The following SEMA5A variants were observed in gnomAD, a reference collection of about 807,000 sequenced individuals.
SEMA5A encodes semaphorin 5A.
A neutral mutation model predicts 135.5 loss-of-function variants in SEMA5A; 55 were observed. That is an observed-to-expected ratio of 0.41 (90% confidence interval 0.33 to 0.51). The LOEUF is 0.51. Ranked by LOEUF, SEMA5A falls within the 20% of genes least tolerant of loss-of-function variation. The pLI is 0.37. For missense variants in SEMA5A, 1,290 were observed against 1,419.9 expected (o/e 0.91, Z 1.47); for synonymous variants, 580 against 546.5 (o/e 1.06, Z -0.85).
At chr5:9,426,153 T>C (rs1757638086) in intron 2 of SEMA5A, among the ~76,000 whole-genome samples, 1 of 152,110 alleles carries the variant, frequency 6.6e-6, no homozygotes, top group Admixed American at 6.6e-5. Context: ...AAATTTGTAT[T>C]GTGGCCGGGC....
In SEMA5A at chr5:9,312,222, G is replaced by A. The variant is rs544428352; in HGVS notation, c.270+6150C>T. The stretch of plus-strand genomic sequence containing the variant: ...TTAAGGCAAGAAGAAAACTTATACT[G>A]AAGATTTGAATCTGTTATTATGACA... On this transcript the variant is annotated intron_variant, in intron 5 of 22. Transcript: ENST00000382496. 2.0e-5 allele frequency among the ~76,000 whole-genome samples: 3 copies of A among 151,822 alleles called. No homozygotes were observed. In the South Asian group the frequency reaches 6.2e-4, roughly 32 times the overall value.
At chr5:9,264,837 A>AAACG (rs3842075) in intron 5 of SEMA5A, among the ~76,000 whole-genome samples, 1 of 151,934 alleles carries the variant, frequency 6.6e-6, no homozygotes, top group East Asian at 1.9e-4. Flanking sequence ...TAACAACAAC[A>AAACG]TTCATCACTC....
At chr5:9,538,326 G>A (rs1737892280) in intron 1 of SEMA5A, among the ~76,000 whole-genome samples, 1 of 152,116 alleles carries the variant, frequency 6.6e-6, no homozygotes, top group Admixed American at 6.5e-5. Context: ...TCAGGCTCTG[G>A]GCATTTAAAA....
chr5:9,269,390 T>C (rs1238463939), intron 5 of SEMA5A, among the ~76,000 whole-genome samples: 1 of 152,120 alleles, frequency 6.6e-6, no homozygotes, highest in Non-Finnish European at 1.5e-5. Flanking sequence ...AGAAAGACAA[T>C]GGAGATGGCT....
chr5:9,213,332 A>C (rs1027201534), intron 8 of SEMA5A, among the ~76,000 whole-genome samples: 2 of 152,232 alleles, frequency 1.3e-5, no homozygotes, highest in South Asian at 2.1e-4. Context: ...CAGGAGTGAG[A>C]AAAAGACGTT....
intron 5 of SEMA5A, among the ~76,000 whole-genome samples, chr5:9,306,730 C>A (rs531784668): frequency 6.6e-6 from 1 of 152,164 alleles, no homozygotes; most frequent in Admixed American, 6.6e-5. Flanking sequence ...GTGCCCTGTT[C>A]TATAAGGAGA....
chr5:9,180,341 T>G (rs1744434898), intron 11 of SEMA5A, among the ~76,000 whole-genome samples: 1 of 152,314 alleles, frequency 6.6e-6, no homozygotes, highest in East Asian at 1.9e-4. Flanking sequence ...ATTCCCTCAG[T>G]AAATGAAAAA....
At chr5:9,155,552 G>A (rs1175948054) in intron 11 of SEMA5A, among the ~76,000 whole-genome samples, 1 of 151,964 alleles carries the variant, frequency 6.6e-6, no homozygotes, top group African/African-American at 2.4e-5. Context: ...CCAGCCTTCT[G>A]GAAGCCGCTT....
intron 3 of SEMA5A, among the ~76,000 whole-genome samples, chr5:9,359,794 T>C (rs1754611964): frequency 6.6e-6 from 1 of 152,100 alleles, no homozygotes; most frequent in Non-Finnish European, 1.5e-5. Context: ...AACAAAAAAC[T>C]ATGAAAAAAA....
intron 2 of SEMA5A, among the ~76,000 whole-genome samples, chr5:9,435,776 C>T (rs1167341846): frequency 1.3e-5 from 2 of 152,224 alleles, no homozygotes; most frequent in South Asian, 2.1e-4. Flanking sequence ...TTTCATACTA[C>T]AACGGCAGAG....
chr5:9,217,546 A>T, intron 8 of SEMA5A, among the ~76,000 whole-genome samples: 1 of 152,194 alleles, frequency 6.6e-6, no homozygotes, highest in East Asian at 1.9e-4. Flanking sequence ...TCTCTAGCAA[A>T]GTTGGGGAAG....
chr5:9,277,809 G>A (rs1449247305), intron 5 of SEMA5A, among the ~76,000 whole-genome samples: 5 of 151,808 alleles, frequency 3.3e-5, no homozygotes. Flanking sequence ...GCACTGTCAG[G>A]GGGGTGCGGG....
At chr5:9,222,172 G>A (rs1747042109) in intron 8 of SEMA5A, among the ~76,000 whole-genome samples, 1 of 152,198 alleles carries the variant, frequency 6.6e-6, no homozygotes, top group African/African-American at 2.4e-5. Flanking sequence ...TGCAAAGCCT[G>A]TGTCCCAATT....
At chr5:9,280,547 C>G (rs746283197) in intron 5 of SEMA5A, among the ~76,000 whole-genome samples, 1 of 152,216 alleles carries the variant, frequency 6.6e-6, no homozygotes, top group Non-Finnish European at 1.5e-5. Flanking sequence ...GAAGCTCTCA[C>G]TTGGCCAGCC....
chr5:9,221,184 C>T (rs1293715738), intron 8 of SEMA5A, among the ~76,000 whole-genome samples: 1 of 152,116 alleles, frequency 6.6e-6, no homozygotes, highest in East Asian at 1.9e-4. Flanking sequence ...TCCTTAAAAT[C>T]ACCATGTGAA....
At chr5:9,465,019 A>G (rs11134358) in intron 1 of SEMA5A, among the ~76,000 whole-genome samples, 44,018 of 152,072 alleles carry the variant, frequency 0.29, 6,747 homozygotes, top group East Asian at 0.54. Flanking sequence ...CCCCAACTAC[A>G]GTCACCTGGA....
intron 1 of SEMA5A, among the ~76,000 whole-genome samples, chr5:9,514,278 C>T (rs1001204153): frequency 1.3e-5 from 2 of 152,166 alleles, no homozygotes; most frequent in African/African-American, 4.8e-5. Context: ...GCAGAATAAT[C>T]TCTCACCTCA....
chr5:9,404,659 T>C (rs904578403), intron 2 of SEMA5A, among the ~76,000 whole-genome samples: 4 of 152,200 alleles, frequency 2.6e-5, no homozygotes, highest in Non-Finnish European at 4.4e-5. Flanking sequence ...TGAAAGACCA[T>C]TCCAGTGTCC....
intron 16 of SEMA5A, among the ~76,000 whole-genome samples, chr5:9,069,961 G>A (rs1413702101): frequency 6.6e-6 from 1 of 152,104 alleles, no homozygotes; most frequent in East Asian, 1.9e-4. Context: ...CTCTAGTGTG[G>A]GGATGCTCTC....
Sources: allele counts gnomAD v4.1 joint callset (sites outside exome capture counted in the v4.1 genomes callset), GRCh38; gene constraint gnomAD v4.1.1; transcripts MANE v1.5; gene names NCBI Gene and HGNC (gene_info 2026-07-23, HGNC 2026-07-21).